FAM120B: variants seen among roughly 807,000 people sequenced by gnomAD.
FAM120B encodes the protein constitutive coactivator of peroxisome proliferator-activated receptor gamma.
Under a neutral mutation model 96.3 loss-of-function variants are expected in FAM120B, and 83 were observed. The ratio of observed to expected loss-of-function variants is 0.86; its 90% CI spans 0.72 to 1.03. FAM120B has a LOEUF of 1.03. FAM120B is among the 50% of genes least tolerant of loss of function. The pLI is 0.00. For missense variants in FAM120B, 1,027 were observed against 1,121.2 expected, an observed-to-expected ratio of 0.92 and a Z score of 1.20; for synonymous variants, 407 against 402.7, an observed-to-expected ratio of 1.01 and a Z score of -0.13.
intron 1 of FAM120B, among the ~76,000 whole-genome samples, chr6:170,310,018 G>C (rs1385990320): frequency 6.6e-6 from 1 of 152,180 alleles, no homozygotes; most frequent in East Asian, 1.9e-4. Context: ...AGTTTTTAAA[G>C]TTTTCTGTCC....
rs548519365 is a variant in FAM120B, at chr6:170,335,046, GT to G, written c.2017+4507del. Among the ~76,000 whole-genome samples the G allele has an allele frequency of 5.5e-4, 74 of 133,932 alleles. 1 individual carries two copies. Among genetic ancestry groups the G allele is most frequent in the South Asian group, 7.1e-4 (3 of 4,230 alleles). 87.9% of individuals were successfully genotyped at this position (133,932 alleles called of 152,430 possible). The stretch of plus-strand genomic sequence containing the variant: ...TCAGGGTTTTTTGAGTTTTTTTTTT[GT>G]TTTTTTTTTTAATGTAAGTTCTGGG... On this transcript the variant is annotated intron_variant, in intron 4 of 10. Coordinates refer to ENST00000476287, the MANE Select transcript of FAM120B (RefSeq NM_032448.3).
intron 6 of FAM120B, among the ~76,000 whole-genome samples, chr6:170,364,408 G>A (rs1788648122): frequency 6.6e-6 from 1 of 152,120 alleles, no homozygotes. Context: ...TCCCACTTAG[G>A]GTTTTCAGTT....
In FAM120B at chr6:170,340,037, T is replaced by C. The variant is rs183647797; in HGVS notation, c.2018-8114T>C. ...TTTACTGAATTTGAATGTTGGTCTA[T>C]CTTGTTAGGTTGGGGAAGTTCTCCT... On this transcript the variant is annotated intron_variant, in intron 4 of 10. Transcript: ENST00000476287. 7.0e-4 allele frequency among the ~76,000 whole-genome samples: 106 copies of C among 152,320 alleles called. 1 individual carries two copies. Among genetic ancestry groups the C allele is most frequent in the African/African-American group, 2.5e-3 (102 of 41,572 alleles).
chr6:170,354,583 C>A (rs1174224421), intron 5 of FAM120B, among the ~76,000 whole-genome samples: 1 of 152,032 alleles, frequency 6.6e-6, no homozygotes, highest in East Asian at 1.9e-4. Flanking sequence ...AGCAAAAAAA[C>A]AATCCCATTA....
intron 3 of FAM120B, among the ~76,000 whole-genome samples, chr6:170,325,656 C>G (rs1368419709): frequency 6.6e-6 from 1 of 151,800 alleles, no homozygotes; most frequent in Non-Finnish European, 1.5e-5. Context: ...GCCTGGCCAA[C>G]ATGGTGAAAC....
chr6:170,362,559 T>A lies in FAM120B; in HGVS notation c.2283+4241T>A, dbSNP rs139428917. ...TATTCTCTCATTGAGCAGAGTGGAGTGTGTACTACGTATACTGCCGTGGGT... is the reference window on the plus strand; with the variant it reads ...TATTCTCTCATTGAGCAGAGTGGAGAGTGTACTACGTATACTGCCGTGGGT... On this transcript the variant is annotated intron_variant, in intron 6 of 10. Coordinates refer to ENST00000476287, the MANE Select transcript of FAM120B (RefSeq NM_032448.3). 3.0e-3 allele frequency among the ~76,000 whole-genome samples: 450 copies of A among 152,220 alleles called. 1 individual carries two copies. Among genetic ancestry groups the A allele is most frequent in the African/African-American group, 0.01 (433 of 41,550 alleles).
At chr6:170,300,877 G>A (rs1382688875) in intron 1 of FAM120B, among the ~76,000 whole-genome samples, 1 of 152,178 alleles carries the variant, frequency 6.6e-6, no homozygotes, top group African/African-American at 2.4e-5. Context: ...CTCTACCTCT[G>A]TGGCATTGCA....
chr6:170,348,288 G>A lies in FAM120B; in HGVS notation c.2155G>A (p.Ala719Thr). ...GCAGGCTGTCGAAAGCCCATTTCAA[G>A]CTTTGTGCTGCCTCTTGATCTACCT... ...ELQAVESPFQ[A>T]LCCLLIYLFV... The change falls in exon 5 of 11, where the codon GCT becomes ACT. Residue 719 changes from alanine (A) to threonine (T), a missense_variant. Ala to Thr is a moderately conservative substitution (Grantham distance 58). Transcript: ENST00000476287. 3 of 1,613,552 alleles carry A rather than the reference G, an allele frequency of 1.9e-6. No individual in the cohort carries two copies. Among genetic ancestry groups the A allele is most frequent in the East Asian group, 4.5e-5 (2 of 44,878 alleles).
chr6:170,357,982 C>CTGTGTGTACACCTG, intron 5 of FAM120B, among the ~76,000 whole-genome samples: 1 of 151,938 alleles, frequency 6.6e-6, no homozygotes, highest in South Asian at 2.1e-4. Context: ...GTGCGTGTGC[C>CTGTGTGTACACCTG]TGTGTGTACA....
intron 6 of FAM120B, among the ~76,000 whole-genome samples, chr6:170,381,566 T>C (rs985149735): frequency 6.7e-5 from 10 of 150,266 alleles, no homozygotes; most frequent in African/African-American, 2.5e-4. Flanking sequence ...AAAAAAAAAA[T>C]AGTGCAAAAT....
Position 170,295,631 on chromosome 6 carries a change from C to T in FAM120B, c.48+178C>T, listed in dbSNP as rs993450228. ...CCCCGCAGCGGCTCCTAAGCCTCCC[C>T]GCTGGCCGCGGCTGCGCCGCTGGAG... On this transcript the variant is annotated intron_variant, in intron 1 of 10. Coordinates refer to the FAM120B transcript ENST00000537664. The surrounding 1 kb of genome is among the most constrained non-coding windows in gnomAD (Gnocchi z 7.8). 2.7e-4 allele frequency among the ~76,000 whole-genome samples: 41 copies of T among 152,332 alleles called. No homozygotes were observed. The highest frequency in any genetic ancestry group is 5.0e-4 in the Non-Finnish European group (34 of 68,028).
At chr6:170,378,797 C>T (rs1044929347) in intron 6 of FAM120B, among the ~76,000 whole-genome samples, 2 of 152,094 alleles carry the variant, frequency 1.3e-5, no homozygotes, top group African/African-American at 2.4e-5. Context: ...CCCGAGCTTC[C>T]GGTTGTGGGC....
At chr6:170,361,229 T>C (rs948014789) in intron 6 of FAM120B, among the ~76,000 whole-genome samples, 8 of 125,288 alleles carry the variant, frequency 6.4e-5, no homozygotes, top group South Asian at 2.5e-4. Context: ...TATATATATA[T>C]ATATATACAC....
At chr6:170,340,357 T>C (rs542629822) in intron 4 of FAM120B, among the ~76,000 whole-genome samples, 1 of 152,230 alleles carries the variant, frequency 6.6e-6, no homozygotes, top group Non-Finnish European at 1.5e-5. Context: ...TTTATGTTCT[T>C]CTCTGAACTG....
In FAM120B at chr6:170,317,810, T is replaced by G; in HGVS notation, c.420T>G (p.Phe140Leu). Residue 140 changes from phenylalanine (F) to leucine (L), a missense_variant, in exon 2 of 11, where the codon TTT becomes TTG. Coordinates refer to ENST00000476287, the MANE Select transcript of FAM120B (RefSeq NM_032448.3). ...MFFIPSGLAVFTRFALKTLGQ... is the reference protein window; with the variant it reads ...MFFIPSGLAVLTRFALKTLGQ... The stretch of plus-strand genomic sequence containing the variant: ...TCATCCCCTCAGGGCTAGCTGTGTT[T>G]ACACGATTTGCTCTAAAGACACTGG... The G allele has an allele frequency of 6.2e-7, 1 of 1,614,236 alleles. No individual in the cohort carries two copies.
Position 170,318,895 on chromosome 6 carries a change from A to G in FAM120B, c.1505A>G (p.His502Arg), listed in dbSNP as rs141508700. 9.3e-6 allele frequency: 15 copies of G among 1,614,108 alleles called. No homozygotes were observed. In the African/African-American group the frequency reaches 1.3e-4, roughly 14 times the overall value. ...AGGCAAGAAATTATGTGTACAGGCC[A>G]TGAATCCAAACAGGAAGTTCCCATA... Reference protein sequence around the residue: ...ESRQEIMCTGHESKQEVPICT... With the variant: ...ESRQEIMCTGRESKQEVPICT... The change falls in exon 2 of 11, where the codon CAT (histidine) becomes CGT (arginine). Residue 502 changes from histidine to arginine, a missense_variant. Coordinates refer to ENST00000476287, the MANE Select transcript of FAM120B (RefSeq NM_032448.3).
upstream of FAM120B, chr6:170,306,409 G>C (rs925549554): frequency 1.3e-5 from 2 of 152,324 alleles, no homozygotes; most frequent in African/African-American, 2.4e-5. Context: ...CCAGTCCTCA[G>C]TGCCTCCGGC....
rs1554277372 is a variant in FAM120B, at chr6:170,316,059, A to AG, written c.-21-1311_-21-1310insG. 2.2e-3 allele frequency among the ~76,000 whole-genome samples: 23 copies of AG among 10,536 alleles called. No individual in the cohort carries two copies. In the South Asian group the frequency reaches 0.047, roughly 21 times the overall value. The allele number at this position is 10,536 out of a possible 152,430, so 6.9% of individuals were successfully genotyped here. A position where few individuals can be genotyped will look rare whatever the true frequency, so the allele number is the denominator to read the frequency against. ...AGGCAACAGAGTGAGACCCGGTCTC[A>AG]AAAAAAAAAAAAAAAAAAAAAAATC... is the stretch of plus-strand genomic sequence containing the variant. On this transcript the variant is annotated intron_variant, in intron 1 of 10. Transcript: ENST00000476287.
At chr6:170,398,623 T>A (rs1280742639) in intron 9 of FAM120B, among the ~76,000 whole-genome samples, 5 of 138,866 alleles carry the variant, frequency 3.6e-5, no homozygotes, top group East Asian at 2.6e-4. Flanking sequence ...CTCTTCGGAG[T>A]GAGTGGGAAA....
Sources: allele counts gnomAD v4.1 joint callset (sites outside exome capture counted in the v4.1 genomes callset), GRCh38; gene constraint gnomAD v4.1.1; non-coding constraint Gnocchi (gnomAD v3.1); transcripts MANE v1.5; gene names NCBI Gene and HGNC (gene_info 2026-07-23, HGNC 2026-07-21).